Variants in CTDSP2 observed in about 807,000 individuals in gnomAD.
CTDSP2 encodes the protein CTD small phosphatase 2.
A neutral mutation model predicts 31.6 loss-of-function variants in CTDSP2; 9 were observed. The observed-to-expected ratio is 0.28, with a 90% CI of 0.17 to 0.50. The LOEUF is 0.50. Among genes scored for constraint, CTDSP2 ranks in the 20% least tolerant of loss-of-function variants. CTDSP2 has a pLI of 0.98. For synonymous variants in CTDSP2, 134 were observed against 134.5 expected, an observed-to-expected ratio of 1.00 and a Z score of 0.03; for missense variants, 267 against 348.5, an observed-to-expected ratio of 0.77 and a Z score of 1.86.
In CTDSP2 at chr12:57,827,055, G is replaced by C. The variant is rs1025948959; in HGVS notation, c.295C>G (p.Gln99Glu). 1.2e-6 allele frequency: 2 copies of C among 1,613,850 alleles called. No individual in the cohort carries two copies. The highest frequency in any genetic ancestry group is 1.7e-6 in the Non-Finnish European group (2 of 1,179,972). The change falls in exon 4 of 8, where the codon CAA (glutamine) becomes GAA (glutamate). Residue 99 changes from glutamine to glutamate, a missense_variant. Physicochemically the swap from Gln to Glu is conservative, Grantham distance 29. This residue lies in a region of CTDSP2 where 156 missense variants were observed against 241.3 expected (regional missense o/e 0.65). Coordinates refer to ENST00000398073, the MANE Select transcript of CTDSP2 (RefSeq NM_005730.4). Reference protein sequence around the residue: ...CLLPEVTEEDQGRICVVIDLD... With the variant: ...CLLPEVTEEDEGRICVVIDLD... ...TCAATGACCACACAGATCCTTCCTT[G>C]ATCTTCCTCTGTCACCTCTGGGAGC...
rs1000210181 is a variant in CTDSP2, at chr12:57,827,083, G to A, written c.267C>T (p.Cys89=). 1 of 1,613,252 alleles carries A rather than the reference G, an allele frequency of 6.2e-7. No homozygotes were observed. Among genetic ancestry groups the A allele is most frequent in the Non-Finnish European group, 8.5e-7 (1 of 1,179,724 alleles). The change falls in exon 4 of 8, where the codon TGC becomes TGT. Residue 89 remains cysteine, a synonymous_variant. Transcript: ENST00000398073. ...QYQFYQIPGT[C]LLPEVTEEDQ... ...CTTCCTCTGTCACCTCTGGGAGCAG[G>A]CAGGTCCCTGGGATCTAAAACCAAG...
At chr12:57,832,790 T>TAAAAAAAAA (rs61390174) in intron 1 of CTDSP2, among the ~76,000 whole-genome samples, 19 of 44,894 alleles carry the variant, frequency 4.2e-4, no homozygotes, top group East Asian at 2.3e-3. Flanking sequence ...AGACTCTGGC[T>TAAAAAAAAA]AAAAAAAAAA....
intron 1 of CTDSP2, among the ~76,000 whole-genome samples, chr12:57,834,826 G>T (rs1181778565): frequency 1.3e-5 from 2 of 152,014 alleles, no homozygotes; most frequent in Admixed American, 1.3e-4. Context: ...TTTAAAAACA[G>T]AACAAAAAAA....
chr12:57,827,159 A>G (rs1436827843), intron 3 of CTDSP2, 62 bp from the exon 4 acceptor site: 1 of 1,207,778 alleles, frequency 8.3e-7, no homozygotes, highest in Admixed American at 1.7e-5. Flanking sequence ...ACCCCTTGGC[A>G]TAATTATGGG....
At chr12:57,827,375 TA>T in intron 3 of CTDSP2, 176 bp downstream of exon 3, 1 of 693,218 alleles carries the variant, frequency 1.4e-6, no homozygotes, top group Admixed American at 2.4e-5. Flanking sequence ...AGCTGTCCCC[TA>T]AAATCTAATG....
chr12:57,841,339 C>T (rs1302242124), intron 1 of CTDSP2, among the ~76,000 whole-genome samples: 3 of 152,170 alleles, frequency 2.0e-5, no homozygotes, highest in Non-Finnish European at 4.4e-5. Flanking sequence ...ACCCCATTTT[C>T]TTTTTCCCCC....
At position 57,820,915 on chromosome 12, in the gene CTDSP2, G is replaced by A. The variant is rs1956141118; in HGVS notation, c.*2687C>T. The A allele has an allele frequency of 6.6e-6, 1 of 152,226 alleles. No individual in the cohort carries two copies. The allele number at this position is 152,226 out of a possible 1,614,324, so 9.4% of individuals were successfully genotyped here. A position where few individuals can be genotyped will look rare whatever the true frequency, so the allele number is the denominator to read the frequency against. ...TTAAAAGAACTGAACCTGGCAGGTAGGCAGATTCCTGGCATGGCTTGAATT... is the reference window on the plus strand; with the variant it reads ...TTAAAAGAACTGAACCTGGCAGGTAAGCAGATTCCTGGCATGGCTTGAATT... On this transcript the variant is annotated 3_prime_UTR_variant, in exon 8 of 8. Transcript: ENST00000398073.
At chr12:57,827,857 T>A (rs563257012) in intron 2 of CTDSP2, among the ~76,000 whole-genome samples, 1 of 152,076 alleles carries the variant, frequency 6.6e-6, no homozygotes, top group African/African-American at 2.4e-5. Context: ...CTGGACAAAG[T>A]GAGGAACAGG....
chr12:57,822,727 A>G lies in CTDSP2; in HGVS notation c.*875T>C, dbSNP rs1595184089. On this transcript the variant is annotated 3_prime_UTR_variant, in exon 8 of 8. Transcript: ENST00000398073. The stretch of plus-strand genomic sequence containing the variant: ...TTTGAGGATTTGTCTTTTCCCTGCA[A>G]CCCCAGCGCCGCCGACATTCATTAC... The G allele has an allele frequency of 6.6e-6, 1 of 152,248 alleles. No homozygotes were observed. Among genetic ancestry groups the G allele is most frequent in the Non-Finnish European group, 1.5e-5 (1 of 68,064 alleles). 9.4% of individuals were successfully genotyped at this position (152,248 alleles called of 1,614,324 possible).
intron 1 of CTDSP2, among the ~76,000 whole-genome samples, chr12:57,845,915 G>A (rs1259440041): frequency 3.9e-5 from 6 of 152,078 alleles, no homozygotes; most frequent in Non-Finnish European, 5.9e-5. Flanking sequence ...CCTCGGGCTT[G>A]GGGGGGCCTG....
At chr12:57,833,901 A>G (rs116138407) in intron 1 of CTDSP2, among the ~76,000 whole-genome samples, 1,922 of 152,342 alleles carry the variant, frequency 0.013, 38 homozygotes, top group African/African-American at 0.043. Flanking sequence ...GACACTTGAC[A>G]TCATTACCTC....
rs758329173 is a variant in CTDSP2 at position 57,823,113 on chromosome 12, GGT to G, written c.*487_*488del. The G allele has an allele frequency of 6.4e-6, 1 of 156,330 alleles. No homozygotes were observed. Among genetic ancestry groups the G allele is most frequent in the Non-Finnish European group, 1.4e-5 (1 of 70,308 alleles). The allele number at this position is 156,330 out of a possible 1,614,324, so 9.7% of individuals were successfully genotyped here. Reference sequence around the variant, plus strand: ...GCTGGCTGGAGAAGGATTTCAGAAAGGTGTGTGCCTGGAGTACCCAAAGGCAT... The same window carrying G: ...GCTGGCTGGAGAAGGATTTCAGAAAGGTGTGCCTGGAGTACCCAAAGGCAT... On this transcript the variant is annotated 3_prime_UTR_variant, in exon 8 of 8. Transcript: ENST00000398073.
At chr12:57,843,775 T>G (rs1303411367) in intron 1 of CTDSP2, among the ~76,000 whole-genome samples, 1 of 152,184 alleles carries the variant, frequency 6.6e-6, no homozygotes, top group Non-Finnish European at 1.5e-5. Flanking sequence ...CAGCTTTTGT[T>G]TTTTGTTTTG....
intron 1 of CTDSP2, among the ~76,000 whole-genome samples, chr12:57,841,677 C>A (rs1956283311): frequency 6.6e-6 from 1 of 152,198 alleles, no homozygotes; most frequent in South Asian, 2.1e-4. Flanking sequence ...CCAGAAGGCC[C>A]AAGCCCCCAC....
At chr12:57,842,003 G>C (rs1022822548) in intron 1 of CTDSP2, among the ~76,000 whole-genome samples, 2 of 152,110 alleles carry the variant, frequency 1.3e-5, no homozygotes, top group African/African-American at 2.4e-5. Flanking sequence ...ACAATGCTTT[G>C]AAGTAACAAT....
intron 5 of CTDSP2, among the ~76,000 whole-genome samples, chr12:57,825,245 C>T (rs1007044521): frequency 5.3e-5 from 8 of 152,248 alleles, no homozygotes; most frequent in African/African-American, 1.9e-4. Context: ...AACTGGCCAC[C>T]AACTCACCAG....
chr12:57,831,628 T>C (rs1289408122), intron 1 of CTDSP2, among the ~76,000 whole-genome samples: 2 of 152,168 alleles, frequency 1.3e-5, no homozygotes, highest in Non-Finnish European at 1.5e-5. Flanking sequence ...TTGAGTTTCC[T>C]AGAGCCTGAG....
Position 57,822,603 on chromosome 12 carries a change from T to C in CTDSP2, c.*999A>G, listed in dbSNP as rs1956153790. 6.6e-6 allele frequency: 1 copy of C among 152,240 alleles called. No individual in the cohort carries two copies. The highest frequency in any genetic ancestry group is 2.1e-4 in the South Asian group (1 of 4,830). 9.4% of individuals were successfully genotyped at this position (152,240 alleles called of 1,614,324 possible). On this transcript the variant is annotated 3_prime_UTR_variant, in exon 8 of 8. Transcript: ENST00000398073. Reference sequence around the variant, plus strand: ...TTTTTCCCAGCCTTTGGAACAGAAGTCCTTGCACCAGCACCAGCAGAGAAT... The same window carrying C: ...TTTTTCCCAGCCTTTGGAACAGAAGCCCTTGCACCAGCACCAGCAGAGAAT...
intron 1 of CTDSP2, among the ~76,000 whole-genome samples, chr12:57,832,705 T>A (rs761678856): frequency 7.6e-6 from 1 of 131,920 alleles, no homozygotes; most frequent in Non-Finnish European, 1.5e-5. Flanking sequence ...GGCAGGAGAA[T>A]CACTTGAATC....
Sources: allele counts gnomAD v4.1 joint callset (sites outside exome capture counted in the v4.1 genomes callset), GRCh38; gene constraint gnomAD v4.1.1; regional missense constraint gnomAD v4.1.1; transcripts MANE v1.5; gene names NCBI Gene and HGNC (gene_info 2026-07-23, HGNC 2026-07-21).